The following WDR24 variants were observed in gnomAD, a reference collection of about 807,000 sequenced individuals.
WDR24 encodes the protein GATOR2 complex protein WDR24.
Under a neutral mutation model 66.7 loss-of-function variants are expected in WDR24, and 32 were observed. The observed-to-expected ratio is 0.48, with a 90% CI of 0.36 to 0.64. The LOEUF (loss-of-function observed/expected upper bound fraction) is 0.64. WDR24 is among the 30% of genes least tolerant of loss of function. The probability of loss-of-function intolerance (pLI) is 0.00; values close to 1 mark genes in which losing one functional copy is unlikely to be tolerated. For synonymous variants in WDR24, 565 were observed against 469.1 expected (o/e 1.20, Z -2.64); for missense variants, 978 against 1,144.1 (o/e 0.85, Z 2.09).
In WDR24 at chr16:685,877, G is replaced by A. The variant is rs2039896025; in HGVS notation, c.1565C>T (p.Thr522Ile). ...VLLDSSATLITNEDNEETEGS... is the reference protein window; with the variant it reads ...VLLDSSATLIINEDNEETEGS... ...TACCCACCCCAGCCTACCCTCATTG[G>A]TGATGAGTGTGGCCGAGGAGTCGAG... is the stretch of plus-strand genomic sequence containing the variant. Residue 522 changes from threonine to isoleucine, a missense_variant, in exon 5 of 9, where the codon ACC becomes ATC. By Grantham distance (89) the Thr-to-Ile change is moderately conservative. Transcript: ENST00000293883. The A allele has an allele frequency of 2.0e-5, 32 of 1,613,138 alleles. No homozygotes were observed. The highest frequency in any genetic ancestry group is 2.6e-5 in the Non-Finnish European group (31 of 1,180,008).
At position 686,060 on chromosome 16, in the gene WDR24, G is replaced by GC; in HGVS notation, c.1451+7dup. On this transcript the variant is annotated splice_region_variant and intron_variant, in intron 4 of 8. Coordinates refer to ENST00000293883, the MANE Select transcript of WDR24 (RefSeq NM_032259.4). ...CAGCCCCTGGGGAGAGCTGCCCCCGGCATCTACCTGTTCATGAGCGGGAGG... is the reference window on the plus strand; with the variant it reads ...CAGCCCCTGGGGAGAGCTGCCCCCGGCCATCTACCTGTTCATGAGCGGGAGG... The GC allele has an allele frequency of 6.2e-7, 1 of 1,612,818 alleles. No homozygotes were observed. The highest frequency in any genetic ancestry group is 8.5e-7 in the Non-Finnish European group (1 of 1,179,924).
rs375064750 is a variant in WDR24 at position 686,232 on chromosome 16, A to T, written c.1333-46T>A. The T allele has an allele frequency of 3.8e-6, 6 of 1,595,822 alleles. No homozygotes were observed. In the African/African-American group the frequency reaches 8.1e-5, roughly 21 times the overall value. On this transcript the variant is annotated intron_variant, in intron 3 of 8. Transcript: ENST00000293883. ...CTTGTGGGCGTCCTGGACACCCAGC[A>T]CCCCATGCAGGTCCCTCTCTGCCTG...
In WDR24 at chr16:689,766, C is replaced by A; in HGVS notation, c.-126G>T. The A allele has an allele frequency of 1.4e-6, 2 of 1,451,288 alleles. No homozygotes were observed. The highest frequency in any genetic ancestry group is 2.7e-5 in the South Asian group (2 of 74,752). The allele number at this position is 1,451,288 out of a possible 1,614,324, so 89.9% of individuals were successfully genotyped here. A position where few individuals can be genotyped will look rare whatever the true frequency, so the allele number is the denominator to read the frequency against. On this transcript the variant is annotated 5_prime_UTR_variant, in exon 1 of 9. Coordinates refer to ENST00000293883, the MANE Select transcript of WDR24 (RefSeq NM_032259.4). ...GACCCCAGAACTGCTTGGTCCCGGG[C>A]TGGTCAGTCTTAGTGAGCCAATCCA...
chr16:688,885 G>C, intron 1 of WDR24: 1 of 482,306 alleles, frequency 2.1e-6, no homozygotes, highest in Non-Finnish European at 3.7e-6. Context: ...CAGGCTGGCT[G>C]GGAGACCGCT....
chr16:685,502 C>T lies in WDR24; in HGVS notation c.1774G>A (p.Ala592Thr). Residue 592 changes from alanine to threonine, a missense_variant, in exon 7 of 9, where the codon GCC (alanine) becomes ACC (threonine). Transcript: ENST00000293883. ...CTGCCGCTCACGTGCGGGGAGTCGG[C>T]CTTGTCCTGCAGGTGCTCGGGCCCG... is the stretch of plus-strand genomic sequence containing the variant. ...PPGPEHLQDK[A>T]DSPHVSGSEA... 1 of 1,596,422 alleles carries T rather than the reference C, an allele frequency of 6.3e-7. No individual in the cohort carries two copies. The highest frequency in any genetic ancestry group is 8.6e-7 in the Non-Finnish European group (1 of 1,168,264).
At chr16:687,913 A>G (rs1246141443) in intron 1 of WDR24, 174 bp from the exon 2 acceptor site, 7 of 840,964 alleles carry the variant, frequency 8.3e-6, no homozygotes, top group Admixed American at 8.0e-5. Flanking sequence ...GAGTCGCCAC[A>G]AGAGCCTGGG....
chr16:687,349 T>C lies in WDR24; in HGVS notation c.727A>G (p.Lys243Glu). The C allele has an allele frequency of 6.2e-7, 1 of 1,604,756 alleles. No individual in the cohort carries two copies. The highest frequency in any genetic ancestry group is 8.5e-7 in the Non-Finnish European group (1 of 1,174,988). ...KVWDMTTHRA[K>E]EMHCVQTIAS... Reference sequence around the variant, plus strand: ...ATGGTCTGCACACAGTGCATCTCCTTGGCACGGTGCGTGGTCATGTCCCAG... The same window carrying C: ...ATGGTCTGCACACAGTGCATCTCCTCGGCACGGTGCGTGGTCATGTCCCAG... Residue 243 changes from lysine (K) to glutamate (E), a missense_variant, in exon 3 of 9, where the codon AAG (lysine) becomes GAG (glutamate). By Grantham distance (56) the Lys-to-Glu change is moderately conservative. Around this residue, in one of 2 missense-constraint regions of WDR24, gnomAD observed 302 missense variants for 526.6 expected, o/e 0.57. Coordinates refer to ENST00000293883, the MANE Select transcript of WDR24 (RefSeq NM_032259.4).
intron 6 of WDR24, 34 bp downstream of exon 6, chr16:685,645 C>T (rs544916711): frequency 2.5e-6 from 4 of 1,611,966 alleles, no homozygotes; most frequent in African/African-American, 1.3e-5. Context: ...CTCCATCCGC[C>T]TCTGAACCCC....
chr16:684,975 C>G lies in WDR24; in HGVS notation c.2204+17G>C, dbSNP rs1360427630. On this transcript the variant is annotated intron_variant, in intron 8 of 8. Transcript: ENST00000293883. ...GCCTGCAGGCCCCTGCCCCACCTCCCGACCCCACTGCCCCACCTGTCGCAG... is the reference window on the plus strand; with the variant it reads ...GCCTGCAGGCCCCTGCCCCACCTCCGGACCCCACTGCCCCACCTGTCGCAG... 4 of 1,540,120 alleles carry G rather than the reference C, an allele frequency of 2.6e-6. No individual in the cohort carries two copies. Among genetic ancestry groups the G allele is most frequent in the Admixed American group, 2.0e-5 (1 of 51,160 alleles).
intron 1 of WDR24, among the ~76,000 whole-genome samples, chr16:688,525 C>G (rs1041010506): frequency 1.3e-5 from 2 of 152,232 alleles, no homozygotes; most frequent in Non-Finnish European, 2.9e-5. Context: ...ATCTCCTGAC[C>G]TCGTGATCGG....
Position 687,334 on chromosome 16 carries a change from C to A in WDR24, c.742G>T (p.Val248Leu). The A allele has an allele frequency of 1.2e-6, 2 of 1,609,800 alleles. No individual in the cohort carries two copies. Among genetic ancestry groups the A allele is most frequent in the Non-Finnish European group, 1.7e-6 (2 of 1,178,796 alleles). Residue 248 changes from valine to leucine, a missense_variant, in exon 3 of 9, where the codon GTG becomes TTG. By Grantham distance (32) the Val-to-Leu change is conservative. Around this residue, in one of 2 missense-constraint regions of WDR24, gnomAD observed 302 missense variants for 526.6 expected, o/e 0.57. Coordinates refer to ENST00000293883, the MANE Select transcript of WDR24 (RefSeq NM_032259.4). Reference protein sequence around the residue: ...TTHRAKEMHCVQTIASVARVK... With the variant: ...TTHRAKEMHCLQTIASVARVK... The stretch of plus-strand genomic sequence containing the variant: ...CGGGCCACCGAGGCGATGGTCTGCA[C>A]ACAGTGCATCTCCTTGGCACGGTGC...
chr16:687,708 G>A lies in WDR24; in HGVS notation c.513C>T (p.Phe171=), dbSNP rs146642085. 182 of 1,613,582 alleles carry A rather than the reference G, an allele frequency of 1.1e-4. No homozygotes were observed. The highest frequency in any genetic ancestry group is 1.5e-4 in the Non-Finnish European group (175 of 1,179,982). Residue 171 remains phenylalanine, a synonymous_variant, in exon 2 of 9, where the codon TTC becomes TTT. Coordinates refer to ENST00000293883, the MANE Select transcript of WDR24 (RefSeq NM_032259.4). ...GQSESVRDVQ[F]SIRDYFTFAS... ...CGAAGGTGAAGTAGTCCCGGATACT[G>A]AACTGCACGTCCCGCACGCTCTCCG... is the stretch of plus-strand genomic sequence containing the variant.
At chr16:686,597 C>CACCCTCAGCT in intron 3 of WDR24, 147 bp downstream of exon 3, 1 of 828,234 alleles carries the variant, frequency 1.2e-6, no homozygotes, top group Non-Finnish European at 1.7e-6. Flanking sequence ...GTGATCCTGA[C>CACCCTCAGCT]ACCCTCAGCT....
At position 689,686 on chromosome 16, in the gene WDR24, G is replaced by C. The variant is rs2039945802; in HGVS notation, c.-46C>G. 6.3e-7 allele frequency: 1 copy of C among 1,595,386 alleles called. No homozygotes were observed. The highest frequency in any genetic ancestry group is 8.5e-7 in the Non-Finnish European group (1 of 1,170,184). ...CAGGGGTCAGGAGGTCAGTGAGGTG[G>C]GCTGGCCTGGTCAGCCTGGGTGGGT... On this transcript the variant is annotated 5_prime_UTR_variant, in exon 1 of 9. Transcript: ENST00000293883.
rs991086552 is a variant in WDR24, at chr16:685,392, C to T, written c.1884G>A (p.Leu628=). Residue 628 remains leucine, a synonymous_variant, in exon 7 of 9, where the codon CTG becomes CTA. Transcript: ENST00000293883. ...SVSHALYDSR[L]PPDFFGVLVR... ...CCAGCACGCCGAAGAAGTCGGGCGGCAGGCGGCTGTCGTAGAGCGCGTGTG... is the reference window on the plus strand; with the variant it reads ...CCAGCACGCCGAAGAAGTCGGGCGGTAGGCGGCTGTCGTAGAGCGCGTGTG... 2 of 1,612,384 alleles carry T rather than the reference C, an allele frequency of 1.2e-6. No homozygotes were observed. Among genetic ancestry groups the T allele is most frequent in the African/African-American group, 1.3e-5 (1 of 74,950 alleles).
At chr16:688,582 G>A (rs1033830788) in intron 1 of WDR24, among the ~76,000 whole-genome samples, 2 of 152,208 alleles carry the variant, frequency 1.3e-5, no homozygotes, top group Non-Finnish European at 2.9e-5. Context: ...ATGAGCCACC[G>A]CGCCCTGCCA....
Position 687,032 on chromosome 16 carries a change from G to A in WDR24, c.1044C>T (p.Phe348=), listed in dbSNP as rs776995704. The change falls in exon 3 of 9, where the codon TTC becomes TTT. Residue 348 remains phenylalanine (F), a synonymous_variant. Transcript: ENST00000293883. ...CCTTGGCGGCGAAGGCCAGGTCCCC[G>A]AAGAGGCCGTAGCAGAGGCCCTCAG... ...ANPEGLCYGL[F]GDLAFAAKES... 37 of 1,602,850 alleles carry A rather than the reference G, an allele frequency of 2.3e-5. No homozygotes were observed. Among genetic ancestry groups the A allele is most frequent in the South Asian group, 4.4e-5 (4 of 90,752 alleles).
rs1200681318 is a variant in WDR24, at chr16:688,008, A to G, written c.482-269T>C. 1.5e-5 allele frequency: 9 copies of G among 618,322 alleles called. No homozygotes were observed. In the East Asian group the frequency reaches 3.1e-4, roughly 21 times the overall value. 38.3% of individuals were successfully genotyped at this position (618,322 alleles called of 1,614,324 possible). A position where few individuals can be genotyped will look rare whatever the true frequency, so the allele number is the denominator to read the frequency against. On this transcript the variant is annotated intron_variant, in intron 1 of 8. Transcript: ENST00000293883. ...ATTCTGCATCCTGCATCGGTCCATG[A>G]GCAAAGCTGTGGTGCAGCCTCAGGA...
chr16:689,909 C>T lies in WDR24; in HGVS notation c.-269G>A, dbSNP rs1005638938. 1 of 674,940 alleles carries T rather than the reference C, an allele frequency of 1.5e-6. No individual in the cohort carries two copies. Among genetic ancestry groups the T allele is most frequent in the Non-Finnish European group, 2.7e-6 (1 of 369,322 alleles). 41.8% of individuals were successfully genotyped at this position (674,940 alleles called of 1,614,324 possible). The stretch of plus-strand genomic sequence containing the variant: ...ACTTCCTAGCTTCCCTTAGGCCTGT[C>T]AGTTTCATGTCTGACTTCCACGGAA... On this transcript the variant is annotated 5_prime_UTR_variant, in exon 1 of 9. Coordinates refer to ENST00000293883, the MANE Select transcript of WDR24 (RefSeq NM_032259.4).
Sources: allele counts gnomAD v4.1 joint callset (sites outside exome capture counted in the v4.1 genomes callset), GRCh38; gene constraint gnomAD v4.1.1; regional missense constraint gnomAD v4.1.1; transcripts MANE v1.5; gene names NCBI Gene and HGNC (gene_info 2026-07-23, HGNC 2026-07-21).